Variants in PRKG1 observed in about 807,000 individuals in gnomAD.
The protein encoded by PRKG1 is cGMP-dependent protein kinase 1.
A neutral mutation model predicts 88.1 loss-of-function variants in PRKG1; 35 were observed. The ratio of observed to expected loss-of-function variants is 0.40; its 90% CI spans 0.30 to 0.53. PRKG1 has a LOEUF of 0.53. Ranked by LOEUF, PRKG1 falls within the 20% of genes least tolerant of loss-of-function variation. PRKG1 has a pLI of 0.59. For synonymous variants in PRKG1, 303 were observed against 292.5 expected, an observed-to-expected ratio of 1.04 and a Z score of -0.37; for missense variants, 540 against 839.8, an observed-to-expected ratio of 0.64 and a Z score of 4.41.
At chr10:52,067,392 T>C (rs10824011) in intron 7 of PRKG1, among the ~76,000 whole-genome samples, 26,323 of 152,156 alleles carry the variant, frequency 0.17, 2,888 homozygotes, top group South Asian at 0.28. Flanking sequence ...TGAATATATG[T>C]TTGACCATTC....
intron 1 of PRKG1, among the ~76,000 whole-genome samples, chr10:51,143,457 T>C (rs556532535): frequency 1.3e-5 from 2 of 152,234 alleles, no homozygotes; most frequent in East Asian, 3.9e-4. Context: ...TGCAGATATG[T>C]TTTCAAAATA....
At chr10:51,106,646 C>T (rs1382424321) in intron 1 of PRKG1, among the ~76,000 whole-genome samples, 3 of 152,136 alleles carry the variant, frequency 2.0e-5, no homozygotes, top group African/African-American at 7.2e-5. Context: ...AAAAAGTGAG[C>T]ATGAATCCCC....
At chr10:51,772,562 A>G (rs1297813534) in intron 3 of PRKG1, among the ~76,000 whole-genome samples, 2 of 152,056 alleles carry the variant, frequency 1.3e-5, no homozygotes, top group Non-Finnish European at 2.9e-5. Context: ...ATGCAAAAAA[A>G]TTAGCCATGG....
intron 2 of PRKG1, among the ~76,000 whole-genome samples, chr10:51,430,203 C>G (rs938760153): frequency 2.0e-5 from 3 of 150,830 alleles, no homozygotes; most frequent in African/African-American, 7.3e-5. Context: ...ATTGCTTGAA[C>G]CCAGGAGTCA....
At chr10:51,155,943 A>T (rs1007079641) in intron 2 of PRKG1, among the ~76,000 whole-genome samples, 2 of 152,020 alleles carry the variant, frequency 1.3e-5, no homozygotes, top group Admixed American at 6.6e-5. Context: ...ATTGTGACCT[A>T]TCCAAGTTGA....
At chr10:52,162,578 A>G (rs1230544941) in intron 9 of PRKG1, among the ~76,000 whole-genome samples, 1 of 152,060 alleles carries the variant, frequency 6.6e-6, no homozygotes, top group Non-Finnish European at 1.5e-5. Context: ...CTTTCCCCTA[A>G]TGTAATTAGT....
At chr10:51,345,225 C>T (rs532775248) in intron 2 of PRKG1, among the ~76,000 whole-genome samples, 1 of 152,208 alleles carries the variant, frequency 6.6e-6, no homozygotes, top group South Asian at 2.1e-4. Flanking sequence ...GTTGCAAATT[C>T]TTTGCTGATG....
chr10:51,885,964 G>A (rs775521531), intron 4 of PRKG1, among the ~76,000 whole-genome samples: 1 of 152,124 alleles, frequency 6.6e-6, no homozygotes, highest in African/African-American at 2.4e-5. Flanking sequence ...AAACCGCATG[G>A]TGCCATAAAA....
intron 2 of PRKG1, among the ~76,000 whole-genome samples, chr10:51,325,468 G>A (rs1841565246): frequency 6.6e-6 from 1 of 152,080 alleles, no homozygotes; most frequent in South Asian, 2.1e-4. Context: ...CAAAGTGTTG[G>A]GATTACAGGC....
chr10:51,537,876 G>C (rs1296748077), intron 3 of PRKG1, among the ~76,000 whole-genome samples: 3 of 152,058 alleles, frequency 2.0e-5, no homozygotes, highest in Non-Finnish European at 4.4e-5. Context: ...AACAAGAACA[G>C]TACACTTTGA....
intron 2 of PRKG1, among the ~76,000 whole-genome samples, chr10:51,160,241 C>T (rs1161677482): frequency 6.6e-6 from 1 of 152,106 alleles, no homozygotes; most frequent in East Asian, 1.9e-4. Context: ...TTATATAAAT[C>T]TAATAATTTT....
intron 3 of PRKG1, among the ~76,000 whole-genome samples, chr10:51,804,110 A>G (rs1330582480): frequency 2.0e-5 from 3 of 152,148 alleles, no homozygotes; most frequent in South Asian, 2.1e-4. Context: ...TATTATTTCT[A>G]TTATATAAAT....
chr10:51,605,551 C>T (rs901475470), intron 3 of PRKG1, among the ~76,000 whole-genome samples: 4 of 152,204 alleles, frequency 2.6e-5, no homozygotes, highest in Non-Finnish European at 1.5e-5. Flanking sequence ...TAATACTTTA[C>T]TCATTCTCAG....
intron 9 of PRKG1, among the ~76,000 whole-genome samples, chr10:52,229,014 A>G (rs948157927): frequency 3.3e-5 from 5 of 152,180 alleles, no homozygotes; most frequent in African/African-American, 1.2e-4. Flanking sequence ...TAGCTAATAA[A>G]CTCACATGAC....
intron 2 of PRKG1, among the ~76,000 whole-genome samples, chr10:51,185,226 T>C (rs1837455621): frequency 6.6e-6 from 1 of 152,116 alleles, no homozygotes; most frequent in Non-Finnish European, 1.5e-5. Flanking sequence ...GAAACTTCAA[T>C]GGGATGTTGT....
At chr10:51,198,216 G>C (rs1299988025) in intron 2 of PRKG1, among the ~76,000 whole-genome samples, 1 of 152,084 alleles carries the variant, frequency 6.6e-6, no homozygotes, top group African/African-American at 2.4e-5. Flanking sequence ...GGCTTTCTTA[G>C]ACTCAACTGG....
At chr10:51,608,420 G>A (rs1052979105) in intron 3 of PRKG1, among the ~76,000 whole-genome samples, 5 of 152,216 alleles carry the variant, frequency 3.3e-5, no homozygotes, top group East Asian at 3.8e-4. Context: ...GGGACAGGGA[G>A]TTGAAGAAAC....
At chr10:52,036,933 A>AGAAGG (rs1845629431) in intron 5 of PRKG1, among the ~76,000 whole-genome samples, 1 of 152,274 alleles carries the variant, frequency 6.6e-6, no homozygotes, top group Non-Finnish European at 1.5e-5. Context: ...GTATTGATTA[A>AGAAGG]GAAGGGGACG....
chr10:52,008,349 T>G (rs963331943), intron 5 of PRKG1, among the ~76,000 whole-genome samples: 2 of 151,964 alleles, frequency 1.3e-5, no homozygotes, highest in Admixed American at 6.6e-5. Context: ...GTTGGTTTTT[T>G]GAAAAAATTA....
Sources: gnomAD v4.1 joint callset for allele counts (sites outside exome capture counted in the v4.1 genomes callset) on GRCh38, gnomAD v4.1.1 for gene constraint, MANE v1.5 for transcripts, NCBI Gene and HGNC (gene_info 2026-07-23, HGNC 2026-07-21) for gene names.